ANTXRL: variants seen among roughly 807,000 people sequenced by gnomAD.
ANTXRL encodes the protein anthrax toxin receptor-like.
A neutral mutation model predicts 75.4 loss-of-function variants in ANTXRL; 63 were observed. That is an observed-to-expected ratio of 0.84 (90% CI 0.68 to 1.03). The LOEUF (loss-of-function observed/expected upper bound fraction) is 1.03. Among genes scored for constraint, ANTXRL ranks in the 50% least tolerant of loss-of-function variants. ANTXRL has a pLI of 0.00. For missense variants in ANTXRL, 797 were observed against 789.4 expected, an observed-to-expected ratio of 1.01 and a Z score of -0.12; for synonymous variants, 335 against 291.3, an observed-to-expected ratio of 1.15 and a Z score of -1.53.
chr10:46,329,950 T>A lies in ANTXRL; in HGVS notation c.1762T>A (p.Cys588Ser). Residue 588 changes from cysteine (C) to serine (S), a missense_variant, in exon 17 of 17, where the codon TGC becomes AGC. Around this residue, in one of 3 missense-constraint regions of ANTXRL, gnomAD observed 479 missense variants for 422.0 expected, o/e 1.14. Transcript: ENST00000620264. ...QPSRECLPLT[C>S]SSRCRLPPAR... ...CAGCCGGGAGTGCCTCCCCCTCACC[T>A]GCTCCTCCAGGTGCCGCCTCCCCCC... is the stretch of plus-strand genomic sequence containing the variant. The A allele has an allele frequency of 1.3e-6, 2 of 1,533,788 alleles. No individual in the cohort carries two copies. Among genetic ancestry groups the A allele is most frequent in the Non-Finnish European group, 1.7e-6 (2 of 1,146,088 alleles).
chr10:46,313,180 C>A, intron 15 of ANTXRL, 56 bp from the exon 16 acceptor site: 7 of 1,459,160 alleles, frequency 4.8e-6, no homozygotes, highest in African/African-American at 1.4e-5. Context: ...GTCCTGATGC[C>A]TTCTGGAGGC....
chr10:46,310,096 T>C (rs1311617285), intron 13 of ANTXRL, among the ~76,000 whole-genome samples: 1 of 152,112 alleles, frequency 6.6e-6, no homozygotes, highest in African/African-American at 2.4e-5. Context: ...GGAGGGCTCC[T>C]GTAGACAGAC....
At chr10:46,315,224 T>C (rs1253937084) in intron 16 of ANTXRL, among the ~76,000 whole-genome samples, 1 of 152,210 alleles carries the variant, frequency 6.6e-6, no homozygotes, top group African/African-American at 2.4e-5. Context: ...GCTGGTGAGC[T>C]CAGCAGCTTC....
chr10:46,324,347 G>A (rs549255618), intron 16 of ANTXRL, among the ~76,000 whole-genome samples: 15 of 152,290 alleles, frequency 9.8e-5, no homozygotes, highest in Admixed American at 5.2e-4. Flanking sequence ...CTGAGCAGAG[G>A]TCTATTACCA....
In ANTXRL at chr10:46,330,022, C is replaced by G; in HGVS notation, c.1834C>G (p.Pro612Ala). 1 of 1,534,174 alleles carries G rather than the reference C, an allele frequency of 6.5e-7. No individual in the cohort carries two copies. ...CTCCAGGATGCTGCCGCTGCTGTCC[C>G]CACTGCTCAGGCACACGGCAGAACC... ...PPSRMLPLLS[P>A]LLRHTAEPPL... Residue 612 changes from proline to alanine, a missense_variant, in exon 17 of 17, where the codon CCA (proline) becomes GCA (alanine). Pro to Ala is a conservative substitution (Grantham distance 27, BLOSUM62 -1). Transcript: ENST00000620264.
chr10:46,323,975 G>A (rs536007238), intron 16 of ANTXRL, among the ~76,000 whole-genome samples: 2 of 152,154 alleles, frequency 1.3e-5, no homozygotes, highest in African/African-American at 4.8e-5. Context: ...CCAGGCCAAG[G>A]AAAATGTTGA....
intron 16 of ANTXRL, among the ~76,000 whole-genome samples, chr10:46,321,775 A>G (rs1838988227): frequency 6.6e-6 from 1 of 152,104 alleles, no homozygotes; most frequent in African/African-American, 2.4e-5. Flanking sequence ...CTAGGGGCAT[A>G]TGCTTTCCAG....
intron 12 of ANTXRL, chr10:46,308,669 G>A: frequency 2.9e-6 from 1 of 347,818 alleles, no homozygotes; most frequent in East Asian, 7.9e-5. Flanking sequence ...TTGCACAGGT[G>A]TGGAGGCTGA....
chr10:46,327,598 G>C (rs1839286391), intron 16 of ANTXRL, among the ~76,000 whole-genome samples: 2 of 152,194 alleles, frequency 1.3e-5, no homozygotes, highest in Non-Finnish European at 2.9e-5. Context: ...GGCCTAGATG[G>C]GAGAAGGGCC....
intron 12 of ANTXRL, among the ~76,000 whole-genome samples, chr10:46,307,704 G>C (rs1328397442): frequency 6.6e-6 from 1 of 152,142 alleles, no homozygotes; most frequent in East Asian, 1.9e-4. Flanking sequence ...CAGGACCTCA[G>C]GCCCAGGAGC....
intron 16 of ANTXRL, among the ~76,000 whole-genome samples, chr10:46,327,869 G>A (rs1178580403): frequency 5.3e-5 from 8 of 152,258 alleles, no homozygotes; most frequent in Middle Eastern, 3.4e-3. Context: ...CAGGCCCCAC[G>A]CCAGGGAAAC....
intron 9 of ANTXRL, among the ~76,000 whole-genome samples, chr10:46,301,547 C>T (rs1484446212): frequency 3.3e-5 from 5 of 152,144 alleles, no homozygotes; most frequent in Admixed American, 6.5e-5. Flanking sequence ...AGGTGGGCCT[C>T]GGAGCTCCTC....
At chr10:46,328,624 C>CT (rs1226451642) in intron 16 of ANTXRL, among the ~76,000 whole-genome samples, 85 of 147,872 alleles carry the variant, frequency 5.7e-4, no homozygotes, top group East Asian at 1.8e-3. Flanking sequence ...TTGCCTCTCT[C>CT]TTTTTTTTTT....
At chr10:46,303,617 A>G (rs1308748738) in intron 10 of ANTXRL, among the ~76,000 whole-genome samples, 3 of 152,150 alleles carry the variant, frequency 2.0e-5, no homozygotes, top group African/African-American at 7.2e-5. Flanking sequence ...CATGTTATAG[A>G]TGGTCAGCCA....
intron 8 of ANTXRL, 24 bp from the exon 9 acceptor site, chr10:46,297,978 C>T (rs781929091): frequency 3.5e-5 from 53 of 1,535,660 alleles, no homozygotes; most frequent in African/African-American, 5.5e-5. Flanking sequence ...CTCCCTGTCC[C>T]GCCCCACCCC....
intron 1 of ANTXRL, among the ~76,000 whole-genome samples, chr10:46,289,615 T>TA (rs147448134): frequency 0.032 from 4,895 of 152,090 alleles, 268 homozygotes; most frequent in African/African-American, 0.11. Flanking sequence ...CACTCCCAGC[T>TA]ACTCAGCCTG....
rs1218071398 is a variant in ANTXRL at position 46,309,094 on chromosome 10, T to C, written c.1045-19T>C. ...AGAGGCCACCGAGGCCCTCCTATGG[T>C]GCTCTCTTTCTCCACCAGGGCATTT... On this transcript the variant is annotated intron_variant, in intron 12 of 16. Transcript: ENST00000620264. 1.3e-6 allele frequency: 2 copies of C among 1,535,452 alleles called. No individual in the cohort carries two copies. The highest frequency in any genetic ancestry group is 1.7e-6 in the Non-Finnish European group (2 of 1,146,526).
intron 7 of ANTXRL, 74 bp from the exon 8 acceptor site, chr10:46,297,757 C>T: frequency 1.5e-6 from 2 of 1,314,954 alleles, no homozygotes; most frequent in South Asian, 1.3e-5. Context: ...GGGCAAGACA[C>T]TGTCTCCTGG....
In ANTXRL at chr10:46,288,096, A is replaced by G. The variant is rs146485253; in HGVS notation, c.248+586A>G. 3.3e-5 allele frequency among the ~76,000 whole-genome samples: 5 copies of G among 152,284 alleles called. No individual in the cohort carries two copies. In the East Asian group the frequency reaches 9.6e-4, roughly 29 times the overall value. ...AGGCTGGCCCTGGGGAAGCTGGGCT[A>G]CGTATTAGGCACCTTCTGGCTCACC... On this transcript the variant is annotated intron_variant, in intron 1 of 16. Coordinates refer to ENST00000620264, the MANE Select transcript of ANTXRL (RefSeq NM_001278688.3).
Sources: allele counts gnomAD v4.1 joint callset (sites outside exome capture counted in the v4.1 genomes callset), GRCh38; gene constraint gnomAD v4.1.1; regional missense constraint gnomAD v4.1.1; transcripts MANE v1.5; gene names NCBI Gene and HGNC (gene_info 2026-07-23, HGNC 2026-07-21).